CUEDC1: variants seen among roughly 807,000 people sequenced by gnomAD.
CUEDC1 encodes the protein CUE domain-containing protein 1.
In CUEDC1, 30 loss-of-function variants were observed where a neutral mutation model predicts 43.7. That is an observed-to-expected ratio of 0.69 (90% CI 0.51 to 0.93). CUEDC1 has a LOEUF of 0.93. Ranked by LOEUF, CUEDC1 falls within the 40% of genes least tolerant of loss-of-function variation. The pLI, the probability that CUEDC1 is intolerant of heterozygous loss-of-function variation, is 0.00. For synonymous variants in CUEDC1, 223 were observed against 223.6 expected, an observed-to-expected ratio of 1.00 and a Z score of 0.02; for missense variants, 486 against 549.0, an observed-to-expected ratio of 0.89 and a Z score of 1.15.
rs1382221985 is a variant in CUEDC1 at position 57,930,835 on chromosome 17, C to A, written c.-316+24390G>T. 6.6e-6 allele frequency among the ~76,000 whole-genome samples: 1 copy of A among 152,184 alleles called. No homozygotes were observed. The highest frequency in any genetic ancestry group is 2.4e-5 in the African/African-American group (1 of 41,434). On this transcript the variant is annotated intron_variant, in intron 1 of 10. Transcript: ENST00000577830. The surrounding 1 kb of genome is among the most constrained non-coding windows in gnomAD (Gnocchi z 4.2). ...CCAGAAAGAGCCACAAACAGTCCAA[C>A]TCCAAAGGGGAAATGGTCCCCATTT...
At position 57,949,612 on chromosome 17, in the gene CUEDC1, A is replaced by G. The variant is rs1198773409; in HGVS notation, c.-316+5613T>C. Among the ~76,000 whole-genome samples, 6 of 128,786 alleles carry G rather than the reference A, an allele frequency of 4.7e-5. No homozygotes were observed. The Admixed American group carries it at 5.7e-4, about 12-fold the overall frequency. 84.5% of individuals were successfully genotyped at this position (128,786 alleles called of 152,430 possible). On this transcript the variant is annotated intron_variant, in intron 1 of 10. Transcript: ENST00000577830. ...TTTTGAGGTAGGGTCTTGCTCTGAC[A>G]CCCAGGCTGGAGTGCAGTGGTGCAA...
At chr17:57,924,791 G>A (rs1158740101) in intron 1 of CUEDC1, among the ~76,000 whole-genome samples, 1 of 152,214 alleles carries the variant, frequency 6.6e-6, no homozygotes, top group Non-Finnish European at 1.5e-5. Context: ...GGTCCCTCCT[G>A]CTAGCAGTTT....
chr17:57,921,888 G>A (rs760629126), intron 1 of CUEDC1, among the ~76,000 whole-genome samples: 8 of 152,322 alleles, frequency 5.3e-5, no homozygotes, highest in South Asian at 2.1e-4. Flanking sequence ...CAAGATGGGC[G>A]TATCACTTGA....
chr17:57,869,172 G>C lies in CUEDC1; in HGVS notation c.890C>G (p.Ala297Gly). 3 of 1,614,042 alleles carry C rather than the reference G, an allele frequency of 1.9e-6. No individual in the cohort carries two copies. The highest frequency in any genetic ancestry group is 2.5e-6 in the Non-Finnish European group (3 of 1,179,978). The part of the protein sequence containing the change: ...PVPGTGDANP[A>G]VSEDALFRDK... ...CCTGAATAAGGCATCTTCAGACACAGCGGGGTTGGCGTCGCCAGTTCCTGG... is the reference window on the plus strand; with the variant it reads ...CCTGAATAAGGCATCTTCAGACACACCGGGGTTGGCGTCGCCAGTTCCTGG... Residue 297 changes from alanine to glycine, a missense_variant, in exon 7 of 11, where the codon GCT (alanine) becomes GGT (glycine). Physicochemically the swap from Ala to Gly is moderately conservative, Grantham distance 60. Transcript: ENST00000577830.
chr17:57,911,095 G>A (rs542801575), intron 1 of CUEDC1, among the ~76,000 whole-genome samples: 2 of 152,276 alleles, frequency 1.3e-5, no homozygotes, highest in East Asian at 1.9e-4. Flanking sequence ...CGGTCCTCAT[G>A]CTCAGCAAGC....
At chr17:57,870,496 G>C (rs1265472883) in intron 6 of CUEDC1, among the ~76,000 whole-genome samples, 2 of 152,182 alleles carry the variant, frequency 1.3e-5, no homozygotes, top group Non-Finnish European at 2.9e-5. Flanking sequence ...AAACTCCCCA[G>C]ATTAATCCTG....
At chr17:57,894,574 G>A (rs2074389874) in intron 1 of CUEDC1, among the ~76,000 whole-genome samples, 1 of 152,156 alleles carries the variant, frequency 6.6e-6, no homozygotes, top group South Asian at 2.1e-4. Context: ...GGGAGGCTGA[G>A]GCACTTGAAT....
In CUEDC1 at chr17:57,913,671, G is replaced by GA. The variant is rs2074607994; in HGVS notation, c.-315-27793_-315-27792insT. Among the ~76,000 whole-genome samples, 10 of 113,440 alleles carry GA rather than the reference G, an allele frequency of 8.8e-5. No individual in the cohort carries two copies. In the Admixed American group the frequency reaches 1.0e-3, roughly 11 times the overall value. 74.4% of individuals were successfully genotyped at this position (113,440 alleles called of 152,430 possible). On this transcript the variant is annotated intron_variant, in intron 1 of 10. Coordinates refer to ENST00000577830, the MANE Select transcript of CUEDC1 (RefSeq NM_001271875.2). ...CAACATTGAGCAACCCCTCATTTCTGCCCCCCATCCCAGGGATTTCTAGCG... is the reference window on the plus strand; with the variant it reads ...CAACATTGAGCAACCCCTCATTTCTGACCCCCCATCCCAGGGATTTCTAGCG...
intron 1 of CUEDC1, among the ~76,000 whole-genome samples, chr17:57,914,323 A>T (rs1416030717): frequency 6.6e-6 from 1 of 152,224 alleles, no homozygotes; most frequent in East Asian, 1.9e-4. Flanking sequence ...GGGGTAAATA[A>T]GTCCACAGGG....
intron 1 of CUEDC1, among the ~76,000 whole-genome samples, chr17:57,926,735 C>T (rs2074750920): frequency 6.6e-6 from 1 of 152,210 alleles, no homozygotes. Flanking sequence ...AGGCATTTTG[C>T]TTCTCTTTCA....
chr17:57,867,915 C>T (rs2073983125), intron 8 of CUEDC1, among the ~76,000 whole-genome samples: 1 of 152,208 alleles, frequency 6.6e-6, no homozygotes, highest in Admixed American at 6.5e-5. Context: ...TCTGGGCCTA[C>T]AGAAGGGAGA....
chr17:57,915,279 C>T (rs553948647), intron 1 of CUEDC1: 13 of 151,794 alleles, frequency 8.6e-5, no homozygotes. Flanking sequence ...GCAACCACAT[C>T]AAATGCCCAC....
At chr17:57,868,060 G>C (rs1301721221) in intron 8 of CUEDC1, 90 bp downstream of exon 8, 1 of 1,092,380 alleles carries the variant, frequency 9.2e-7, no homozygotes, top group African/African-American at 1.5e-5. Context: ...ACTCCCAGGG[G>C]AGGGCACAGC....
chr17:57,895,317 C>T (rs1227679519), intron 1 of CUEDC1, among the ~76,000 whole-genome samples: 2 of 152,168 alleles, frequency 1.3e-5, no homozygotes, highest in East Asian at 3.9e-4. Context: ...TCCATATTCC[C>T]TAGAGCCTAG....
At chr17:57,942,588 C>G (rs1034840995) in intron 1 of CUEDC1, among the ~76,000 whole-genome samples, 1 of 151,900 alleles carries the variant, frequency 6.6e-6, no homozygotes, top group African/African-American at 2.4e-5. Flanking sequence ...GGGCTTTCAC[C>G]ATGTTGGCCA....
At chr17:57,935,793 G>T (rs1014430526) in intron 1 of CUEDC1, among the ~76,000 whole-genome samples, 1 of 152,146 alleles carries the variant, frequency 6.6e-6, no homozygotes, top group Non-Finnish European at 1.5e-5. Context: ...CCTTCCTAGG[G>T]GACCCTACTG....
chr17:57,863,703 G>C (rs535729125), intron 10 of CUEDC1, among the ~76,000 whole-genome samples: 1 of 152,182 alleles, frequency 6.6e-6, no homozygotes, highest in Non-Finnish European at 1.5e-5. Flanking sequence ...GAGTTCCTAA[G>C]ACTTTACTCA....
intron 4 of CUEDC1, among the ~76,000 whole-genome samples, chr17:57,873,327 C>G (rs892974167): frequency 6.6e-6 from 1 of 152,146 alleles, no homozygotes; most frequent in Non-Finnish European, 1.5e-5. Context: ...ACCCCATGCC[C>G]GCCTCTCTCC....
At position 57,929,623 on chromosome 17, in the gene CUEDC1, C is replaced by T. The variant is rs139623692; in HGVS notation, c.-316+25602G>A. Among the ~76,000 whole-genome samples, 583 of 152,270 alleles carry T rather than the reference C, an allele frequency of 3.8e-3. 7 individuals are homozygous for T. The highest frequency in any genetic ancestry group is 0.013 in the African/African-American group (542 of 41,554). On this transcript the variant is annotated intron_variant, in intron 1 of 10. Transcript: ENST00000577830. Reference sequence around the variant, plus strand: ...ACTGGCTCAGACTGGTCATGCTCATCGGTTCCTGAACTAAGGAATAGAGCA... The same window carrying T: ...ACTGGCTCAGACTGGTCATGCTCATTGGTTCCTGAACTAAGGAATAGAGCA...
Sources: allele counts gnomAD v4.1 joint callset (sites outside exome capture counted in the v4.1 genomes callset), GRCh38; gene constraint gnomAD v4.1.1; non-coding constraint Gnocchi (gnomAD v3.1); transcripts MANE v1.5; gene names NCBI Gene and HGNC (gene_info 2026-07-23, HGNC 2026-07-21).